CADPS2: variants seen among roughly 807,000 people sequenced by gnomAD.
CADPS2 encodes calcium-dependent secretion activator 2.
CADPS2 carries 93 observed loss-of-function variants against 172.5 expected under a neutral mutation model. The ratio of observed to expected loss-of-function variants is 0.54; its 90% confidence interval spans 0.46 to 0.64. The LOEUF (loss-of-function observed/expected upper bound fraction) is 0.64. Ranked by LOEUF, CADPS2 falls within the 30% of genes least tolerant of loss-of-function variation. The pLI is 0.00. For synonymous variants in CADPS2, 546 were observed against 555.2 expected (o/e 0.98, Z 0.23); for missense variants, 1,420 against 1,565.9 (o/e 0.91, Z 1.57).
intron 2 of CADPS2, among the ~76,000 whole-genome samples, chr7:122,668,402 TAAAAAAAAAAA>T (rs34006020): frequency 7.2e-6 from 1 of 138,196 alleles, no homozygotes; most frequent in Non-Finnish European, 1.6e-5. Context: ...AAAGTATGGT[TAAAAAAAAAAA>T]AAAAACAAAA....
At chr7:122,817,330 C>T (rs201706153) in intron 1 of CADPS2, among the ~76,000 whole-genome samples, 4 of 152,120 alleles carry the variant, frequency 2.6e-5, no homozygotes, top group Non-Finnish European at 4.4e-5. Flanking sequence ...ATCAGGTAAG[C>T]GGCCTCTTCT....
chr7:122,735,561 C>T (rs7782606), intron 2 of CADPS2, among the ~76,000 whole-genome samples: 41,257 of 151,822 alleles, frequency 0.27, 5,998 homozygotes, highest in African/African-American at 0.36. Context: ...CCACATCATA[C>T]TACGCTTACT....
chr7:122,817,210 C>T (rs1801732835), intron 1 of CADPS2, among the ~76,000 whole-genome samples: 1 of 152,192 alleles, frequency 6.6e-6, no homozygotes, highest in Admixed American at 6.5e-5. Flanking sequence ...GGGGGACCTC[C>T]CTTGGGAGAT....
At chr7:122,597,357 T>C (rs949772388) in intron 6 of CADPS2, among the ~76,000 whole-genome samples, 1 of 152,048 alleles carries the variant, frequency 6.6e-6, no homozygotes, top group Non-Finnish European at 1.5e-5. Flanking sequence ...AGTAAATAAA[T>C]GCTTGTTCTT....
At chr7:122,720,482 G>A (rs185074934) in intron 2 of CADPS2, among the ~76,000 whole-genome samples, 1 of 148,876 alleles carries the variant, frequency 6.7e-6, no homozygotes, top group South Asian at 2.2e-4. Context: ...ATGTATGTAT[G>A]TATATATGTA....
intron 8 of CADPS2, among the ~76,000 whole-genome samples, chr7:122,520,704 A>G (rs1485677101): frequency 1.3e-5 from 2 of 152,144 alleles, no homozygotes; most frequent in African/African-American, 4.8e-5. Flanking sequence ...TAACTTGAAG[A>G]TTGTTCAAAG....
chr7:122,716,547 G>A (rs1221747746), intron 2 of CADPS2, among the ~76,000 whole-genome samples: 1 of 152,124 alleles, frequency 6.6e-6, no homozygotes, highest in Non-Finnish European at 1.5e-5. Flanking sequence ...GGGGAGCGGG[G>A]AGGGATAGCA....
At chr7:122,598,297 C>G (rs912433242) in intron 6 of CADPS2, among the ~76,000 whole-genome samples, 3 of 151,488 alleles carry the variant, frequency 2.0e-5, no homozygotes, top group Non-Finnish European at 2.9e-5. Context: ...AGGAAAATAC[C>G]CCCTATGTTT....
chr7:122,451,586 A>C (rs1385257723), intron 14 of CADPS2, 111 bp from the exon 15 acceptor site: 5 of 549,836 alleles, frequency 9.1e-6, no homozygotes, highest in Admixed American at 3.9e-5. Flanking sequence ...TATACATATT[A>C]ATTGTGTTTA....
At chr7:122,574,016 C>CA (rs911322347) in intron 7 of CADPS2, among the ~76,000 whole-genome samples, 5 of 151,166 alleles carry the variant, frequency 3.3e-5, no homozygotes, top group Admixed American at 6.6e-5. Context: ...AATCAAATGG[C>CA]AAAAAAAATG....
At chr7:122,740,385 A>G (rs1026699147) in intron 1 of CADPS2, among the ~76,000 whole-genome samples, 3 of 152,186 alleles carry the variant, frequency 2.0e-5, no homozygotes, top group Admixed American at 2.0e-4. Flanking sequence ...GAAATAAGCT[A>G]TCAAGCCATG....
intron 6 of CADPS2, among the ~76,000 whole-genome samples, chr7:122,601,215 T>G (rs974708960): frequency 1.3e-5 from 2 of 152,046 alleles, no homozygotes; most frequent in Non-Finnish European, 2.9e-5. Context: ...AATATTAAAA[T>G]TTTTGAAGAT....
At chr7:122,421,193 T>G (rs908918037) in intron 17 of CADPS2, 2 of 152,240 alleles carry the variant, frequency 1.3e-5, no homozygotes, top group African/African-American at 4.8e-5. Flanking sequence ...CTTTAAAATT[T>G]TTTAAATTGA....
intron 1 of CADPS2, among the ~76,000 whole-genome samples, chr7:122,841,122 T>C (rs1584837167): frequency 6.6e-6 from 1 of 152,206 alleles, no homozygotes; most frequent in Non-Finnish European, 1.5e-5. Flanking sequence ...AAAATGTCAA[T>C]TCCTTTTTAG....
intron 28 of CADPS2, chr7:122,330,767 A>G (rs1051107057): frequency 6.6e-6 from 1 of 152,296 alleles, no homozygotes; most frequent in African/African-American, 2.4e-5. Flanking sequence ...GCATCTGGAC[A>G]TGGCAGCCGT....
At position 122,431,876 on chromosome 7, in the gene CADPS2, G is replaced by A. The variant is rs541187439; in HGVS notation, c.2476+6465C>T. Among the ~76,000 whole-genome samples, 106 of 138,124 alleles carry A rather than the reference G, an allele frequency of 7.7e-4. 1 individual carries two copies. The South Asian group carries it at 0.024, about 31-fold the overall frequency. The allele number at this position is 138,124 out of a possible 152,430, so 90.6% of individuals were successfully genotyped here. A position where few individuals can be genotyped will look rare whatever the true frequency, so the allele number is the denominator to read the frequency against. On this transcript the variant is annotated intron_variant, in intron 17 of 29. Coordinates refer to ENST00000449022, the MANE Select transcript of CADPS2 (RefSeq NM_017954.11). ...GCAGAGGTTGCAGTGGGCCAAGATC[G>A]TGCCACTGCACACCAGCCTGGGTGA...
intron 9 of CADPS2, among the ~76,000 whole-genome samples, chr7:122,492,425 C>G (rs529347776): frequency 6.6e-6 from 1 of 152,066 alleles, no homozygotes; most frequent in Admixed American, 6.5e-5. Context: ...CTGAAGTCAC[C>G]TCCCTGAGTG....
intron 17 of CADPS2, among the ~76,000 whole-genome samples, chr7:122,423,541 C>A (rs2048787675): frequency 2.0e-5 from 3 of 152,284 alleles, no homozygotes; most frequent in Middle Eastern, 3.4e-3. Flanking sequence ...CTATCTGTGA[C>A]ATCGCTAAGA....
intron 28 of CADPS2, among the ~76,000 whole-genome samples, chr7:122,327,196 T>C (rs1008881157): frequency 1.3e-5 from 2 of 152,130 alleles, no homozygotes; most frequent in Non-Finnish European, 2.9e-5. Flanking sequence ...AAATCTTTTA[T>C]AGATACTTTA....
Sources: gnomAD v4.1 joint callset for allele counts (sites outside exome capture counted in the v4.1 genomes callset) on GRCh38, gnomAD v4.1.1 for gene constraint, MANE v1.5 for transcripts, NCBI Gene and HGNC (gene_info 2026-07-23, HGNC 2026-07-21) for gene names.